Variants in IRAG1 observed in about 807,000 individuals in gnomAD.
The protein encoded by IRAG1 is inositol 1,4,5-triphosphate receptor associated 1.
A neutral mutation model predicts 106.2 loss-of-function variants in IRAG1; 62 were observed. The ratio of observed to expected loss-of-function variants is 0.58; its 90% confidence interval spans 0.48 to 0.72. The LOEUF (loss-of-function observed/expected upper bound fraction) is 0.72. Among genes scored for constraint, IRAG1 ranks in the 30% least tolerant of loss-of-function variants. IRAG1 has a pLI of 0.00. For synonymous variants in IRAG1, 462 were observed against 443.9 expected (o/e 1.04, Z -0.51); for missense variants, 1,064 against 1,140.7 (o/e 0.93, Z 0.97).
intron 18 of IRAG1, among the ~76,000 whole-genome samples, chr11:10,587,689 G>C (rs148410518): frequency 3.9e-5 from 6 of 152,178 alleles, no homozygotes; most frequent in Middle Eastern, 3.4e-3. Flanking sequence ...CTACATCCTG[G>C]TTTTGCTGAT....
intron 1 of IRAG1, among the ~76,000 whole-genome samples, chr11:10,661,653 C>G (rs1176576076): frequency 6.6e-6 from 1 of 152,162 alleles, no homozygotes. Context: ...ATCTTTTCTC[C>G]CCTCTGATCT....
chr11:10,596,144 T>G (rs1853280430), intron 15 of IRAG1, among the ~76,000 whole-genome samples: 1 of 152,242 alleles, frequency 6.6e-6, no homozygotes, highest in Admixed American at 6.5e-5. Flanking sequence ...TTGTGAAAAG[T>G]GCTGCAATGA....
At position 10,631,364 on chromosome 11, in the gene IRAG1, G is replaced by A. The variant is rs375089820; in HGVS notation, c.400+627C>T. ...AATGCCTTTCCTCCCTCGCCTATCT[G>A]TCCAGCTCTCTAAGGCACAACTCAA... On this transcript the variant is annotated intron_variant, in intron 4 of 20. Coordinates refer to ENST00000423302, the MANE Select transcript of IRAG1 (RefSeq NM_130385.4). 2.2e-4 allele frequency among the ~76,000 whole-genome samples: 33 copies of A among 152,244 alleles called. No individual in the cohort carries two copies. The Middle Eastern group carries it at 0.01, about 47-fold the overall frequency.
At chr11:10,646,980 G>C (rs556892234) in intron 2 of IRAG1, among the ~76,000 whole-genome samples, 1 of 152,302 alleles carries the variant, frequency 6.6e-6, no homozygotes, top group African/African-American at 2.4e-5. Context: ...AAGGGGCATA[G>C]ACAGGCATGT....
intron 17 of IRAG1, chr11:10,593,221 A>C (rs1483774087): frequency 7.8e-6 from 2 of 255,138 alleles, no homozygotes; most frequent in Non-Finnish European, 1.5e-5. Context: ...ACCTTGGCAG[A>C]TTGTGGTGTA....
chr11:10,689,931 A>G (rs1162442556), intron 1 of IRAG1, among the ~76,000 whole-genome samples: 1 of 152,188 alleles, frequency 6.6e-6, no homozygotes, highest in African/African-American at 2.4e-5. Flanking sequence ...ATCCACTTCT[A>G]TATTTTCCAA....
rs1858977842 is a variant in IRAG1 at position 10,657,018 on chromosome 11, C to A, written c.68-4836G>T. 6.6e-6 allele frequency among the ~76,000 whole-genome samples: 1 copy of A among 152,138 alleles called. No individual in the cohort carries two copies. Among genetic ancestry groups the A allele is most frequent in the Non-Finnish European group, 1.5e-5 (1 of 68,008 alleles). Reference sequence around the variant, plus strand: ...AAAGAGTGGCCTACAGTTGAGCCTGCATGTCCTCTGGTAGGTGGTAGCAGC... The same window carrying A: ...AAAGAGTGGCCTACAGTTGAGCCTGAATGTCCTCTGGTAGGTGGTAGCAGC... On this transcript the variant is annotated intron_variant, in intron 1 of 20. Coordinates refer to ENST00000423302, the MANE Select transcript of IRAG1 (RefSeq NM_130385.4). This position sits in a 1 kb window ranked among gnomAD's most constrained non-coding sequence, Gnocchi z 4.1.
rs1170268798 is a variant in IRAG1 at position 10,574,137 on chromosome 11, T to C, written c.*2195A>G. ...GGGTCTCTCTGAAGGAGTGACTGCA[T>C]TGAGCCCAGTCCTTGAGCTTGGCAA... On this transcript the variant is annotated 3_prime_UTR_variant, in exon 21 of 21. Coordinates refer to ENST00000423302, the MANE Select transcript of IRAG1 (RefSeq NM_130385.4). 1.3e-5 allele frequency: 2 copies of C among 152,416 alleles called. No homozygotes were observed. The highest frequency in any genetic ancestry group is 2.4e-5 in the African/African-American group (1 of 41,470). 9.4% of individuals were successfully genotyped at this position (152,416 alleles called of 1,614,324 possible). A position where few individuals can be genotyped will look rare whatever the true frequency, so the allele number is the denominator to read the frequency against.
chr11:10,662,567 A>G (rs577826399), intron 1 of IRAG1, among the ~76,000 whole-genome samples: 4 of 152,374 alleles, frequency 2.6e-5, no homozygotes, highest in Non-Finnish European at 4.4e-5. Context: ...GCCTAACAGA[A>G]GACCACAGAG....
intron 2 of IRAG1, among the ~76,000 whole-genome samples, chr11:10,648,042 G>A (rs150311157): frequency 7.6e-4 from 115 of 152,234 alleles, no homozygotes; most frequent in African/African-American, 2.6e-3. Flanking sequence ...CTTGGGAGGC[G>A]GTGAGCTTTT....
intron 18 of IRAG1, among the ~76,000 whole-genome samples, chr11:10,590,545 G>T (rs1413090939): frequency 6.6e-6 from 1 of 152,132 alleles, no homozygotes. Flanking sequence ...AAGGACTAAA[G>T]CTGTCTTGAG....
rs1858567825 is a variant in IRAG1, at chr11:10,652,116, C to A, written c.134G>T (p.Gly45Val). The change falls in exon 2 of 21, where the codon GGC becomes GTC. Residue 45 changes from glycine (G) to valine (V), a missense_variant. Transcript: ENST00000423302. ...ADAAEVPGTR[G>V]HSQQEAAMPH... ...CATGGCAGCCTCCTGCTGGGAGTGGCCACGTGTGCCCGGAACCTCCGCTGC... is the reference window on the plus strand; with the variant it reads ...CATGGCAGCCTCCTGCTGGGAGTGGACACGTGTGCCCGGAACCTCCGCTGC... The A allele has an allele frequency of 6.2e-7, 1 of 1,610,790 alleles. No individual in the cohort carries two copies. Among genetic ancestry groups the A allele is most frequent in the Non-Finnish European group, 8.5e-7 (1 of 1,178,756 alleles).
At chr11:10,650,772 G>A (rs1307457510) in intron 2 of IRAG1, among the ~76,000 whole-genome samples, 3 of 152,082 alleles carry the variant, frequency 2.0e-5, no homozygotes, top group African/African-American at 4.8e-5. Context: ...TGAAGGGCTA[G>A]GGGGTTGGCC....
rs148410518 is a variant in IRAG1 at position 10,587,689 on chromosome 11, G to A, written c.2240+3859C>T. Among the ~76,000 whole-genome samples the A allele has an allele frequency of 9.4e-3, 1,437 of 152,174 alleles. 31 individuals are homozygous for A. The highest frequency in any genetic ancestry group is 0.032 in the African/African-American group (1,348 of 41,510). On this transcript the variant is annotated intron_variant, in intron 18 of 20. Transcript: ENST00000423302. Reference sequence around the variant, plus strand: ...AACCCTGTGCATCATCTACATCCTGGTTTTGCTGATCGCTCTGTGAACGGT... The same window carrying A: ...AACCCTGTGCATCATCTACATCCTGATTTTGCTGATCGCTCTGTGAACGGT...
chr11:10,667,580 G>C (rs906961305), intron 1 of IRAG1, among the ~76,000 whole-genome samples: 23 of 152,278 alleles, frequency 1.5e-4, no homozygotes, highest in African/African-American at 5.3e-4. Flanking sequence ...GTCCAGATGA[G>C]AAAAGCTGAT....
intron 2 of IRAG1, among the ~76,000 whole-genome samples, chr11:10,639,142 A>C (rs1479454362): frequency 6.6e-6 from 1 of 151,908 alleles, no homozygotes; most frequent in Non-Finnish European, 1.5e-5. Flanking sequence ...CTGGTCTCCA[A>C]CTCCTGGCCT....
chr11:10,635,140 T>C (rs11042904), intron 2 of IRAG1, among the ~76,000 whole-genome samples: 61,969 of 152,084 alleles, frequency 0.41, 12,888 homozygotes, highest in Middle Eastern at 0.47. Flanking sequence ...CACACACCCC[T>C]GAGGTTCCAC....
chr11:10,628,347 C>A lies in IRAG1; in HGVS notation c.653-322G>T, dbSNP rs1050372258. 5.3e-5 allele frequency among the ~76,000 whole-genome samples: 8 copies of A among 152,350 alleles called. No homozygotes were observed. The highest frequency in any genetic ancestry group is 5.2e-4 in the Admixed American group (8 of 15,304). ...GGCCGGTTGCCCTTCCTGGCACCCTCCCCCTTTCCTTGTTGGCTGGAGGGT... is the reference window on the plus strand; with the variant it reads ...GGCCGGTTGCCCTTCCTGGCACCCTACCCCTTTCCTTGTTGGCTGGAGGGT... On this transcript the variant is annotated intron_variant, in intron 6 of 20. Coordinates refer to ENST00000423302, the MANE Select transcript of IRAG1 (RefSeq NM_130385.4). The surrounding 1 kb of genome is among the most constrained non-coding windows in gnomAD (Gnocchi z 4.1).
At chr11:10,625,267 CT>C (rs1479348113) in intron 9 of IRAG1, among the ~76,000 whole-genome samples, 1 of 152,198 alleles carries the variant, frequency 6.6e-6, no homozygotes, top group Non-Finnish European at 1.5e-5. Flanking sequence ...ATCCAGGTGC[CT>C]TGGTTTATAT....
Sources: gnomAD v4.1 joint callset for allele counts (sites outside exome capture counted in the v4.1 genomes callset) on GRCh38, gnomAD v4.1.1 for gene constraint, Gnocchi (gnomAD v3.1) non-coding constraint, MANE v1.5 for transcripts, NCBI Gene and HGNC (gene_info 2026-07-23, HGNC 2026-07-21) for gene names.